The following PDE7B variants were observed in gnomAD, a reference collection of about 807,000 sequenced individuals.
The protein encoded by PDE7B is 3',5'-cyclic-AMP phosphodiesterase 7B.
A neutral mutation model predicts 56.2 loss-of-function variants in PDE7B; 29 were observed. That is an observed-to-expected ratio of 0.52 (90% CI 0.38 to 0.70). PDE7B has a LOEUF of 0.70. Ranked by LOEUF, PDE7B falls within the 30% of genes least tolerant of loss-of-function variation. The pLI is 0.00. For missense variants in PDE7B, 490 were observed against 565.0 expected (o/e 0.87, Z 1.35); for synonymous variants, 197 against 196.9 (o/e 1.00, Z 0.00).
chr6:136,055,495 A>G (rs1026459765), intron 2 of PDE7B, among the ~76,000 whole-genome samples: 1 of 152,252 alleles, frequency 6.6e-6, no homozygotes, highest in Non-Finnish European at 1.5e-5. Context: ...AAAAGTTCAG[A>G]GTAAATATCT....
intron 8 of PDE7B, among the ~76,000 whole-genome samples, chr6:136,171,279 T>C (rs11154856): frequency 0.088 from 13,376 of 152,224 alleles, 1,795 homozygotes; most frequent in African/African-American, 0.29. Context: ...GAAGCAATTG[T>C]AGATTCCAAC....
In PDE7B at chr6:135,923,087, T is replaced by G. The variant is rs948159294; in HGVS notation, c.22-24377T>G. ...TAGAACTTTCAAGAGATATCAATCC[T>G]GTTTTATTAGTGTTTATTTAAAAAG... is the stretch of plus-strand genomic sequence containing the variant. On this transcript the variant is annotated intron_variant, in intron 1 of 12. Transcript: ENST00000308191. 2.0e-5 allele frequency among the ~76,000 whole-genome samples: 3 copies of G among 152,226 alleles called. No homozygotes were observed. In the East Asian group the frequency reaches 5.8e-4, roughly 29 times the overall value.
intron 1 of PDE7B, among the ~76,000 whole-genome samples, chr6:135,856,608 T>C (rs950274956): frequency 2.6e-5 from 4 of 152,126 alleles, no homozygotes; most frequent in Non-Finnish European, 4.4e-5. Context: ...TTCAATCACC[T>C]TAATCGAGAC....
At position 135,901,469 on chromosome 6, in the gene PDE7B, T is replaced by C. The variant is rs534530830; in HGVS notation, c.22-45995T>C. On this transcript the variant is annotated intron_variant, in intron 1 of 12. Transcript: ENST00000308191. ...AAGCCACAGCCCAGCTCATAGCAGATGACTGAATGAGTACAGACCTTTTTT... is the reference window on the plus strand; with the variant it reads ...AAGCCACAGCCCAGCTCATAGCAGACGACTGAATGAGTACAGACCTTTTTT... Among the ~76,000 whole-genome samples, 7 of 152,332 alleles carry C rather than the reference T, an allele frequency of 4.6e-5. No individual in the cohort carries two copies. In the South Asian group the frequency reaches 8.3e-4, roughly 18 times the overall value.
chr6:135,944,844 G>C (rs1317797892), intron 1 of PDE7B, among the ~76,000 whole-genome samples: 1 of 152,118 alleles, frequency 6.6e-6, no homozygotes, highest in Non-Finnish European at 1.5e-5. Context: ...ATCAACCCCT[G>C]CCCCTAGAGG....
At chr6:136,018,271 A>G (rs930456515) in intron 2 of PDE7B, among the ~76,000 whole-genome samples, 4 of 152,192 alleles carry the variant, frequency 2.6e-5, no homozygotes, top group African/African-American at 9.7e-5. Context: ...ATACAGCCCT[A>G]TCCCCAGAGA....
Position 136,154,183 on chromosome 6 carries a change from A to C in PDE7B, c.579+8A>C. The C allele has an allele frequency of 1.3e-6, 2 of 1,593,358 alleles. No homozygotes were observed. Among genetic ancestry groups the C allele is most frequent in the Non-Finnish European group, 1.7e-6 (2 of 1,161,590 alleles). On this transcript the variant is annotated splice_region_variant and intron_variant, in intron 7 of 12. Coordinates refer to ENST00000308191, the MANE Select transcript of PDE7B (RefSeq NM_018945.4). ...TACCTGAAAGAGCCAAAGGTAAGACAAGACCCAGCTGCCTCCTCAGCCACC... is the reference window on the plus strand; with the variant it reads ...TACCTGAAAGAGCCAAAGGTAAGACCAGACCCAGCTGCCTCCTCAGCCACC...
At chr6:135,931,951 GCGCACA>G (rs200507106) in intron 1 of PDE7B, among the ~76,000 whole-genome samples, 5,738 of 142,260 alleles carry the variant, frequency 0.04, 288 homozygotes, top group African/African-American at 0.13. Flanking sequence ...ACACACGCGC[GCGCACA>G]CACACACACA....
At chr6:135,887,827 T>G (rs9402772) in intron 1 of PDE7B, among the ~76,000 whole-genome samples, 7,376 of 152,166 alleles carry the variant, frequency 0.048, 259 homozygotes, top group East Asian at 0.11. Flanking sequence ...ATAAATCTCA[T>G]GTGACCTTTT....
At chr6:136,013,038 AAAG>A (rs1775919583) in intron 2 of PDE7B, among the ~76,000 whole-genome samples, 1 of 152,208 alleles carries the variant, frequency 6.6e-6, no homozygotes, top group Non-Finnish European at 1.5e-5. Context: ...GGTATTTTTC[AAAG>A]AAGAAGGAGA....
chr6:136,084,919 T>G (rs900497175), intron 2 of PDE7B, among the ~76,000 whole-genome samples: 34 of 152,242 alleles, frequency 2.2e-4, no homozygotes, highest in African/African-American at 7.7e-4. Flanking sequence ...ACTCCAGAAA[T>G]TCTCCATGAC....
At chr6:136,160,417 C>T (rs1778684158) in intron 8 of PDE7B, among the ~76,000 whole-genome samples, 1 of 152,082 alleles carries the variant, frequency 6.6e-6, no homozygotes, top group Non-Finnish European at 1.5e-5. Context: ...AAAGATGAGT[C>T]TGTAGGAGTA....
At chr6:136,073,017 T>C (rs954320908) in intron 2 of PDE7B, among the ~76,000 whole-genome samples, 2 of 151,638 alleles carry the variant, frequency 1.3e-5, no homozygotes, top group African/African-American at 4.9e-5. Context: ...CCCCAGGGAG[T>C]TGTGTTGCTT....
chr6:135,889,663 A>G (rs1455233281), intron 1 of PDE7B, among the ~76,000 whole-genome samples: 5 of 110,842 alleles, frequency 4.5e-5, no homozygotes, highest in Admixed American at 2.9e-4. Context: ...CTGGTCTCGA[A>G]CTCCTGACCT....
chr6:136,040,913 T>G (rs1776402280), intron 2 of PDE7B, among the ~76,000 whole-genome samples: 1 of 152,146 alleles, frequency 6.6e-6, no homozygotes, highest in Non-Finnish European at 1.5e-5. Context: ...CGGCCTCCCG[T>G]CTCCCCCAGT....
Position 136,147,489 on chromosome 6 carries a change from T to C in PDE7B, c.305T>C (p.Leu102Pro), listed in dbSNP as rs1332990092. The C allele has an allele frequency of 5.0e-6, 8 of 1,613,906 alleles. No homozygotes were observed. The highest frequency in any genetic ancestry group is 3.3e-5 in the South Asian group (3 of 91,064). ...APLHLLDEDY[L>P]GQARHMLSKV... ...CTGCACCTGCTGGATGAAGACTACC[T>C]TGGACAAGCAAGGGTAAGCTGACTG... The change falls in exon 4 of 13, where the codon CTT becomes CCT. Residue 102 changes from leucine to proline, a missense_variant. Coordinates refer to ENST00000308191, the MANE Select transcript of PDE7B (RefSeq NM_018945.4).
At chr6:135,895,769 T>C (rs1775890899) in intron 1 of PDE7B, among the ~76,000 whole-genome samples, 1 of 152,112 alleles carries the variant, frequency 6.6e-6, no homozygotes, top group Non-Finnish European at 1.5e-5. Context: ...TGCCAAGCCT[T>C]TAGCTTGAGT....
chr6:135,860,545 C>A (rs1352299801), intron 1 of PDE7B, among the ~76,000 whole-genome samples: 1 of 151,986 alleles, frequency 6.6e-6, no homozygotes, highest in Non-Finnish European at 1.5e-5. Flanking sequence ...TGGCGACATT[C>A]AGTATGGTTC....
chr6:136,008,762 A>C (rs1352960182), intron 2 of PDE7B, among the ~76,000 whole-genome samples: 1 of 151,778 alleles, frequency 6.6e-6, no homozygotes, highest in Non-Finnish European at 1.5e-5. Flanking sequence ...AGATTGCAAA[A>C]ATTTTCTCCC....
Sources: gnomAD v4.1 joint callset for allele counts (sites outside exome capture counted in the v4.1 genomes callset) on GRCh38, gnomAD v4.1.1 for gene constraint, MANE v1.5 for transcripts, NCBI Gene and HGNC (gene_info 2026-07-23, HGNC 2026-07-21) for gene names.